NPEPPS: variants seen among roughly 807,000 people sequenced by gnomAD.
NPEPPS encodes puromycin-sensitive aminopeptidase.
In NPEPPS, 14 loss-of-function variants were observed where a neutral mutation model predicts 115.5. The observed-to-expected ratio is 0.12, with a 90% CI of 0.08 to 0.19. The LOEUF (loss-of-function observed/expected upper bound fraction) is 0.19, where lower values mean the gene tolerates loss of function less well. Among genes scored for constraint, NPEPPS ranks in the 10% least tolerant of loss-of-function variants. The pLI, the probability that NPEPPS is intolerant of heterozygous loss-of-function variation, is 1.00. For missense variants in NPEPPS, 523 were observed against 1,110.8 expected, an observed-to-expected ratio of 0.47 and a Z score of 7.52; for synonymous variants, 285 against 390.6, an observed-to-expected ratio of 0.73 and a Z score of 3.19.
intron 2 of NPEPPS, among the ~76,000 whole-genome samples, chr17:47,561,360 A>AC (rs1910414167): frequency 6.6e-6 from 1 of 151,662 alleles, no homozygotes; most frequent in African/African-American, 2.4e-5. Context: ...AAAAAAAAAA[A>AC]AAAAAAAAAG....
At chr17:47,613,069 A>G (rs903284196) in intron 18 of NPEPPS, among the ~76,000 whole-genome samples, 21 of 152,050 alleles carry the variant, frequency 1.4e-4, no homozygotes, top group African/African-American at 5.1e-4. Context: ...TAAGTGGTTT[A>G]TAGTCCTCTT....
chr17:47,550,802 T>G (rs1909595058), intron 2 of NPEPPS, among the ~76,000 whole-genome samples: 1 of 151,830 alleles, frequency 6.6e-6, no homozygotes, highest in Non-Finnish European at 1.5e-5. Context: ...AATTTTTGTA[T>G]TTTTAGTAGA....
chr17:47,535,069 C>G (rs1346681147), intron 1 of NPEPPS, among the ~76,000 whole-genome samples: 2 of 146,278 alleles, frequency 1.4e-5, no homozygotes, highest in African/African-American at 5.1e-5. Context: ...ACGGTGAAAC[C>G]CCATCTCTAC....
chr17:47,530,059 C>T (rs1452972123), upstream of NPEPPS, among the ~76,000 whole-genome samples: 8 of 147,672 alleles, frequency 5.4e-5, 1 homozygote, highest in South Asian at 2.1e-4. Flanking sequence ...ACCTCAGCCT[C>T]CCGAATAGCT....
intron 12 of NPEPPS, among the ~76,000 whole-genome samples, chr17:47,593,839 G>A (rs1912665838): frequency 6.6e-6 from 1 of 152,150 alleles, no homozygotes; most frequent in Non-Finnish European, 1.5e-5. Context: ...TCTAAATATA[G>A]AAAAGGTACA....
upstream of NPEPPS, among the ~76,000 whole-genome samples, chr17:47,530,074 C>T (rs1469909906): frequency 2.1e-5 from 3 of 142,330 alleles, no homozygotes; most frequent in African/African-American, 7.7e-5. Context: ...ATAGCTGGGA[C>T]AACAGGCGCC....
chr17:47,528,491 T>G (rs1196024211), upstream of NPEPPS, among the ~76,000 whole-genome samples: 2 of 152,128 alleles, frequency 1.3e-5, no homozygotes, highest in Non-Finnish European at 1.5e-5. Flanking sequence ...TCCAAAACTG[T>G]GCTGCCCAGT....
intron 2 of NPEPPS, among the ~76,000 whole-genome samples, chr17:47,568,925 G>A (rs1269077267): frequency 4.0e-5 from 6 of 151,772 alleles, no homozygotes; most frequent in Admixed American, 3.9e-4. Context: ...AAAGTGCTGG[G>A]ATTACAGGCG....
At chr17:47,609,290 G>A (rs2143944752) in intron 17 of NPEPPS, among the ~76,000 whole-genome samples, 1 of 152,268 alleles carries the variant, frequency 6.6e-6, no homozygotes, top group South Asian at 2.1e-4. Context: ...ATAGTGACAG[G>A]ATAGGAGTAC....
At chr17:47,601,005 T>A (rs1913161455) in intron 14 of NPEPPS, among the ~76,000 whole-genome samples, 1 of 152,098 alleles carries the variant, frequency 6.6e-6, no homozygotes, top group South Asian at 2.1e-4. Context: ...TGTGGATCCC[T>A]TGAGGCCAGG....
intron 1 of NPEPPS, among the ~76,000 whole-genome samples, chr17:47,538,460 T>C (rs2143682573): frequency 6.6e-6 from 1 of 150,958 alleles, no homozygotes; most frequent in African/African-American, 2.4e-5. Context: ...GTGATCCGCC[T>C]GCCTCTGCCT....
chr17:47,621,049 T>A, intron 22 of NPEPPS, among the ~76,000 whole-genome samples: 1 of 151,538 alleles, frequency 6.6e-6, no homozygotes, highest in East Asian at 1.9e-4. Context: ...GGCCTGGGAG[T>A]GCACGCTTGT....
rs769487819 is a variant in NPEPPS at position 47,619,117 on chromosome 17, C to A, written c.2512C>A (p.Leu838Ile). The change falls in exon 21 of 23, where the codon CTT (leucine) becomes ATT (isoleucine). Residue 838 changes from leucine to isoleucine, a missense_variant. By Grantham distance (5) the Leu-to-Ile change is conservative. This residue lies in a region of NPEPPS where 372 missense variants were observed against 542.6 expected (regional missense o/e 0.69). Coordinates refer to ENST00000322157, the MANE Select transcript of NPEPPS (RefSeq NM_006310.4). ...ATTCATAAAGGACAACTGGGAAGAA[C>A]TTTATAACCGATACCAGGGAGGATT... ...WKFIKDNWEE[L>I]YNRYQGGFLI... The A allele has an allele frequency of 1.2e-6, 2 of 1,613,904 alleles. No homozygotes were observed. The highest frequency in any genetic ancestry group is 2.2e-5 in the East Asian group (1 of 44,882).
At chr17:47,549,964 T>G (rs1480912105) in intron 2 of NPEPPS, among the ~76,000 whole-genome samples, 3 of 150,032 alleles carry the variant, frequency 2.0e-5, no homozygotes, top group African/African-American at 7.3e-5. Context: ...AGATGGAGTC[T>G]CGCTCTGTCA....
intron 14 of NPEPPS, among the ~76,000 whole-genome samples, chr17:47,600,533 C>T (rs1447238673): frequency 6.6e-6 from 1 of 152,200 alleles, no homozygotes; most frequent in Non-Finnish European, 1.5e-5. Context: ...TACCTATAAT[C>T]CACATTGTAG....
intron 2 of NPEPPS, among the ~76,000 whole-genome samples, 161 bp from the exon 3 acceptor site, chr17:47,569,256 A>G (rs1257070342): frequency 6.6e-6 from 1 of 152,248 alleles, no homozygotes; most frequent in Non-Finnish European, 1.5e-5. Flanking sequence ...TGTAGCCTAG[A>G]ATAGGCTCAT....
At chr17:47,541,154 G>A (rs2611956) in intron 1 of NPEPPS, among the ~76,000 whole-genome samples, 6 of 152,126 alleles carry the variant, frequency 3.9e-5, no homozygotes, top group African/African-American at 1.4e-4. Context: ...GGCATGTATA[G>A]TGTTGTACAG....
At chr17:47,539,823 C>T (rs1567836419) in intron 1 of NPEPPS, among the ~76,000 whole-genome samples, 1 of 152,082 alleles carries the variant, frequency 6.6e-6, no homozygotes, top group Non-Finnish European at 1.5e-5. Context: ...TCTGCTTCTT[C>T]TTGTCTTTAG....
At chr17:47,596,733 T>C (rs1018245225) in intron 13 of NPEPPS, among the ~76,000 whole-genome samples, 1 of 152,238 alleles carries the variant, frequency 6.6e-6, no homozygotes, top group Non-Finnish European at 1.5e-5. Flanking sequence ...ATTCTACAAA[T>C]GCAAGGTTGG....
Sources: allele counts gnomAD v4.1 joint callset (sites outside exome capture counted in the v4.1 genomes callset), GRCh38; gene constraint gnomAD v4.1.1; regional missense constraint gnomAD v4.1.1; transcripts MANE v1.5; gene names NCBI Gene and HGNC (gene_info 2026-07-23, HGNC 2026-07-21).